Variants in SPAG16 observed in about 807,000 individuals in gnomAD.
SPAG16 encodes sperm associated antigen 16.
A neutral mutation model predicts 80.4 loss-of-function variants in SPAG16; 86 were observed. That is an observed-to-expected ratio of 1.07 (90% CI 0.90 to 1.28). The LOEUF is 1.28. Among genes scored for constraint, SPAG16 ranks in the 50% most tolerant of loss-of-function variants. The pLI, the probability that SPAG16 is intolerant of heterozygous loss-of-function variation, is 0.00. For synonymous variants in SPAG16, 294 were observed against 265.9 expected, an observed-to-expected ratio of 1.11 and a Z score of -1.03; for missense variants, 870 against 765.3, an observed-to-expected ratio of 1.14 and a Z score of -1.61.
At chr2:213,285,774 T>C (rs747587984) in intron 1 of SPAG16, 39 of 587,140 alleles carry the variant, frequency 6.6e-5, no homozygotes, top group Non-Finnish European at 9.2e-5. Context: ...GAAAGAAATA[T>C]ATGGGTGCTT....
intron 10 of SPAG16, among the ~76,000 whole-genome samples, chr2:213,564,646 T>G (rs2059702095): frequency 6.6e-6 from 1 of 152,160 alleles, no homozygotes; most frequent in Non-Finnish European, 1.5e-5. Context: ...CATAAACAAT[T>G]AGTGAAATAG....
chr2:214,179,975 G>C (rs1485788883), intron 15 of SPAG16, among the ~76,000 whole-genome samples: 5 of 151,448 alleles, frequency 3.3e-5, no homozygotes, highest in Non-Finnish European at 7.4e-5. Flanking sequence ...CAGTTATTCA[G>C]GAAAAGACTG....
chr2:213,618,207 C>T (rs1292680535), intron 10 of SPAG16, among the ~76,000 whole-genome samples: 1 of 152,154 alleles, frequency 6.6e-6, no homozygotes, highest in Non-Finnish European at 1.5e-5. Context: ...ATAGAACACT[C>T]CTCCAAATCA....
At chr2:213,577,186 A>T (rs1304883668) in intron 10 of SPAG16, among the ~76,000 whole-genome samples, 1 of 152,182 alleles carries the variant, frequency 6.6e-6, no homozygotes, top group Non-Finnish European at 1.5e-5. Context: ...TATACTCTTT[A>T]TGAAAGAAAA....
chr2:213,346,078 C>T (rs1336705176), intron 6 of SPAG16, among the ~76,000 whole-genome samples: 1 of 152,072 alleles, frequency 6.6e-6, no homozygotes, highest in Non-Finnish European at 1.5e-5. Context: ...TTTTAGTTCT[C>T]CTTGAAGAGG....
chr2:213,847,289 T>A (rs1372993975), intron 10 of SPAG16, among the ~76,000 whole-genome samples: 1 of 152,164 alleles, frequency 6.6e-6, no homozygotes, highest in African/African-American at 2.4e-5. Context: ...TATGAAGAAA[T>A]ACCTGGGTAT....
intron 10 of SPAG16, among the ~76,000 whole-genome samples, chr2:213,729,490 G>A (rs555317105): frequency 1.3e-5 from 2 of 152,316 alleles, no homozygotes; most frequent in South Asian, 2.1e-4. Context: ...AAACTGAGAT[G>A]CTTAGTTTTT....
At chr2:213,285,322 G>C (rs1278651673) in intron 1 of SPAG16, among the ~76,000 whole-genome samples, 1 of 152,172 alleles carries the variant, frequency 6.6e-6, no homozygotes, top group East Asian at 1.9e-4. Flanking sequence ...ATAACAATGT[G>C]TGGATAATTA....
chr2:214,385,672 C>T (rs146246603), intron 15 of SPAG16, among the ~76,000 whole-genome samples: 204 of 152,176 alleles, frequency 1.3e-3, no homozygotes, highest in African/African-American at 4.7e-3. Flanking sequence ...GGCGAAATCC[C>T]GTCTCTACTG....
rs116567817 is a variant in SPAG16 at position 214,086,734 on chromosome 2, A to C, written c.1528-21462A>C. Among the ~76,000 whole-genome samples the C allele has an allele frequency of 2.0e-5, 3 of 152,256 alleles. No individual in the cohort carries two copies. In the South Asian group the frequency reaches 6.2e-4, roughly 32 times the overall value. ...TGAGAACAGACTAATACAGTTGCCTATATTTTCGATGTCTCCTCCCTACTC... is the reference window on the plus strand; with the variant it reads ...TGAGAACAGACTAATACAGTTGCCTCTATTTTCGATGTCTCCTCCCTACTC... On this transcript the variant is annotated intron_variant, in intron 13 of 15. Transcript: ENST00000331683.
At chr2:213,751,360 C>T (rs754411902) in intron 10 of SPAG16, among the ~76,000 whole-genome samples, 5 of 152,102 alleles carry the variant, frequency 3.3e-5, no homozygotes, top group Non-Finnish European at 5.9e-5. Context: ...CTGCTAATCA[C>T]GAGAAAACCT....
chr2:213,304,514 G>A (rs1400395152), intron 3 of SPAG16, among the ~76,000 whole-genome samples: 1 of 151,976 alleles, frequency 6.6e-6, no homozygotes, highest in Non-Finnish European at 1.5e-5. Context: ...GTTTGAGGGT[G>A]TAAATTTAAG....
intron 15 of SPAG16, among the ~76,000 whole-genome samples, chr2:214,257,531 T>C (rs1215575137): frequency 6.6e-6 from 1 of 152,098 alleles, no homozygotes; most frequent in African/African-American, 2.4e-5. Context: ...CTCAATTTGC[T>C]AAGAGTGTTA....
chr2:213,935,237 T>C (rs1001713817), intron 12 of SPAG16, among the ~76,000 whole-genome samples: 1 of 151,594 alleles, frequency 6.6e-6, no homozygotes, highest in African/African-American at 2.4e-5. Flanking sequence ...TTCTATTTGG[T>C]TTGAGACATT....
intron 10 of SPAG16, among the ~76,000 whole-genome samples, chr2:213,624,186 C>T (rs979292533): frequency 2.6e-5 from 4 of 151,846 alleles, no homozygotes; most frequent in African/African-American, 4.8e-5. Flanking sequence ...TGTACTTGAA[C>T]AAATTATATT....
At chr2:214,085,876 T>C (rs2051706539) in intron 13 of SPAG16, among the ~76,000 whole-genome samples, 1 of 152,226 alleles carries the variant, frequency 6.6e-6, no homozygotes, top group African/African-American at 2.4e-5. Context: ...TTTTGCGTGA[T>C]ATTTATACGT....
intron 15 of SPAG16, among the ~76,000 whole-genome samples, chr2:214,234,537 C>T (rs1444266506): frequency 6.6e-6 from 1 of 152,112 alleles, no homozygotes; most frequent in African/African-American, 2.4e-5. Context: ...TCTCCACAAC[C>T]TCACTGGCAT....
At chr2:214,075,138 C>T (rs2051006372) in intron 13 of SPAG16, among the ~76,000 whole-genome samples, 1 of 147,252 alleles carries the variant, frequency 6.8e-6, no homozygotes, top group Non-Finnish European at 1.5e-5. Flanking sequence ...TGTACCCTAG[C>T]TTTTTTTTTT....
intron 12 of SPAG16, among the ~76,000 whole-genome samples, chr2:213,939,511 G>A (rs1200072581): frequency 3.3e-5 from 5 of 152,192 alleles, no homozygotes; most frequent in African/African-American, 1.2e-4. Context: ...AACCTTCAGA[G>A]TAATAAGCCA....
Sources: gnomAD v4.1 joint callset for allele counts (sites outside exome capture counted in the v4.1 genomes callset) on GRCh38, gnomAD v4.1.1 for gene constraint, MANE v1.5 for transcripts, NCBI Gene and HGNC (gene_info 2026-07-23, HGNC 2026-07-21) for gene names.